POFUT3: variants seen among roughly 807,000 people sequenced by gnomAD.
POFUT3 encodes the protein protein O-fucosyltransferase 3, also known as GDP-fucose protein O-fucosyltransferase 3.
chr8:33,401,382 C>T, the POFUT3 span, among the ~76,000 whole-genome samples: 1 of 152,146 alleles, frequency 6.6e-6, no homozygotes, highest in African/African-American at 2.4e-5. Flanking sequence ...AGAAGAGCAA[C>T]CCAGTTCATG....
chr8:33,408,791 G>A, the POFUT3 span, among the ~76,000 whole-genome samples: 7,165 of 152,054 alleles, frequency 0.047, 362 homozygotes, highest in African/African-American at 0.12. Context: ...TTTTGGGGGT[G>A]GAGAGTTGGG....
chr8:33,399,320 C>T, the POFUT3 span, among the ~76,000 whole-genome samples: 2 of 152,146 alleles, frequency 1.3e-5, no homozygotes, highest in African/African-American at 2.4e-5. Context: ...GCACAATTAT[C>T]CAATTATTAA....
chr8:33,417,605 G>GAAT, the POFUT3 span, among the ~76,000 whole-genome samples: 1 of 152,106 alleles, frequency 6.6e-6, no homozygotes. Context: ...TAGGATATCT[G>GAAT]AAGCTCCACG....
At chr8:33,362,869 GA>G in the POFUT3 span, among the ~76,000 whole-genome samples, 32 of 152,238 alleles carry the variant, frequency 2.1e-4, no homozygotes, top group African/African-American at 7.7e-4. Context: ...CAATGAGACA[GA>G]AGGTTAACAA....
chr8:33,451,586 ATGTG>A, the POFUT3 span: 2 of 151,756 alleles, frequency 1.3e-5, no homozygotes, highest in Non-Finnish European at 2.9e-5. Context: ...GTGTGTACAT[ATGTG>A]TATGTGTGTG....
chr8:33,400,919 A>G, the POFUT3 span, among the ~76,000 whole-genome samples: 1 of 152,186 alleles, frequency 6.6e-6, no homozygotes, highest in South Asian at 2.1e-4. Context: ...TAATATTACC[A>G]AAGTTGCCAA....
At chr8:33,318,628 TA>T in the POFUT3 span, among the ~76,000 whole-genome samples, 2 of 89,872 alleles carry the variant, frequency 2.2e-5, no homozygotes, top group South Asian at 2.9e-4. Flanking sequence ...TATATTTATA[TA>T]ATATATAAAT....
chr8:33,352,853 G>A, the POFUT3 span, among the ~76,000 whole-genome samples: 1 of 152,192 alleles, frequency 6.6e-6, no homozygotes, highest in East Asian at 1.9e-4. Context: ...ATTACCCTGG[G>A]ACCACCCTAT....
chr8:33,437,462 G>C, the POFUT3 span, among the ~76,000 whole-genome samples: 1 of 151,890 alleles, frequency 6.6e-6, no homozygotes, highest in Admixed American at 6.6e-5. Context: ...CCATATAAAT[G>C]CCTCTGGATG....
the POFUT3 span, among the ~76,000 whole-genome samples, chr8:33,351,971 G>C: frequency 6.6e-6 from 1 of 152,174 alleles, no homozygotes; most frequent in Admixed American, 6.5e-5. Context: ...GGTTCACATT[G>C]AGACAAAATC....
chr8:33,390,548 CA>C, the POFUT3 span, among the ~76,000 whole-genome samples: 8,372 of 87,794 alleles, frequency 0.095, 447 homozygotes, highest in African/African-American at 0.24. Context: ...TGATTAACTG[CA>C]AAAAAAAAAA....
the POFUT3 span, among the ~76,000 whole-genome samples, chr8:33,377,026 T>A: frequency 6.6e-6 from 1 of 151,494 alleles, no homozygotes; most frequent in Non-Finnish European, 1.5e-5. Flanking sequence ...AGGTCAAGAG[T>A]TCGAGACCAG....
the POFUT3 span, among the ~76,000 whole-genome samples, chr8:33,417,655 C>T: frequency 6.6e-6 from 1 of 152,042 alleles, no homozygotes; most frequent in Non-Finnish European, 1.5e-5. Flanking sequence ...ACAAGTCCAG[C>T]TTAAAGGAGG....
At chr8:33,355,917 T>C in the POFUT3 span, among the ~76,000 whole-genome samples, 1,395 of 152,168 alleles carry the variant, frequency 9.2e-3, 35 homozygotes, top group African/African-American at 0.032. Context: ...TAAGAATATG[T>C]GGTGTTTGGA....
At chr8:33,333,656 A>C in the POFUT3 span, among the ~76,000 whole-genome samples, 1 of 152,144 alleles carries the variant, frequency 6.6e-6, no homozygotes, top group African/African-American at 2.4e-5. Flanking sequence ...TGAGGCAAAA[A>C]GCCCAGGGGA....
chr8:33,400,418 A>G, the POFUT3 span, among the ~76,000 whole-genome samples: 6 of 152,162 alleles, frequency 3.9e-5, no homozygotes, highest in South Asian at 1.0e-3. Context: ...GCTCCACTGC[A>G]CTCCAGCCTG....
At chr8:33,435,031 A>G in the POFUT3 span, among the ~76,000 whole-genome samples, 1 of 152,132 alleles carries the variant, frequency 6.6e-6, no homozygotes, top group Non-Finnish European at 1.5e-5. Flanking sequence ...TCAATCAACA[A>G]CAGGAAGGAG....
the POFUT3 span, among the ~76,000 whole-genome samples, chr8:33,341,434 C>CAAAAAAAAA: frequency 1.9e-5 from 1 of 52,392 alleles, no homozygotes; most frequent in African/African-American, 7.2e-5. Context: ...GACTCCATCT[C>CAAAAAAAAA]AAAAAAAAAA....
At chr8:33,469,764 T>C in the POFUT3 span, among the ~76,000 whole-genome samples, 2 of 151,054 alleles carry the variant, frequency 1.3e-5, no homozygotes, top group African/African-American at 4.9e-5. Flanking sequence ...GACAGACTGA[T>C]ACAATGCCTC....
Sources: gnomAD v4.1 joint callset for allele counts (sites outside exome capture counted in the v4.1 genomes callset) on GRCh38, gnomAD v4.1.1 for gene constraint, MANE v1.5 for transcripts, NCBI Gene and HGNC (gene_info 2026-07-23, HGNC 2026-07-21) for gene names.